NUP210: variants seen among roughly 807,000 people sequenced by gnomAD.
NUP210 encodes the protein nuclear pore membrane glycoprotein 210.
A neutral mutation model predicts 196.0 loss-of-function variants in NUP210; 151 were observed. The observed-to-expected ratio is 0.77, with a 90% confidence interval of 0.67 to 0.88. The LOEUF (loss-of-function observed/expected upper bound fraction) is 0.88. NUP210 is among the 40% of genes least tolerant of loss of function. NUP210 has a pLI of 0.00. For synonymous variants in NUP210, 1,070 were observed against 1,052.7 expected (o/e 1.02, Z -0.32); for missense variants, 2,314 against 2,493.7 (o/e 0.93, Z 1.53).
chr3:13,389,806 G>C (rs1370310995), intron 4 of NUP210, among the ~76,000 whole-genome samples: 1 of 152,208 alleles, frequency 6.6e-6, no homozygotes, highest in Non-Finnish European at 1.5e-5. Flanking sequence ...ATTATATAGG[G>C]GTGAGAAAGC....
chr3:13,407,633 C>T (rs556841812), intron 1 of NUP210, among the ~76,000 whole-genome samples: 2 of 152,300 alleles, frequency 1.3e-5, no homozygotes, highest in South Asian at 2.1e-4. Context: ...GTCCCTCCAC[C>T]TCACATGACC....
At position 13,391,315 on chromosome 3, in the gene NUP210, A is replaced by G. The variant is rs777342506; in HGVS notation, c.437-8T>C. On this transcript the variant is annotated splice_region_variant and splice_polypyrimidine_tract_variant and intron_variant, in intron 3 of 39. Transcript: ENST00000254508. ...GAGTGCTGAAGGTGTTCCCTATAAG[A>G]GCAGATGGGAGAGGCAGACAGATAT... The G allele has an allele frequency of 6.3e-7, 1 of 1,582,368 alleles. No homozygotes were observed. The highest frequency in any genetic ancestry group is 1.4e-5 in the African/African-American group (1 of 74,052).
chr3:13,342,246 A>G (rs1297310162), intron 21 of NUP210, 123 bp from the exon 22 acceptor site: 4 of 1,246,320 alleles, frequency 3.2e-6, no homozygotes, highest in Non-Finnish European at 3.4e-6. Context: ...GAATCAGGAG[A>G]GTCACCCAGG....
chr3:13,388,746 C>T (rs1699370260), intron 4 of NUP210, among the ~76,000 whole-genome samples: 1 of 152,256 alleles, frequency 6.6e-6, no homozygotes, highest in South Asian at 2.1e-4. Context: ...TAAATACTAA[C>T]ATGCGAGACC....
At chr3:13,329,232 T>C (rs1162665766) in intron 30 of NUP210, among the ~76,000 whole-genome samples, 1 of 152,190 alleles carries the variant, frequency 6.6e-6, no homozygotes, top group Non-Finnish European at 1.5e-5. Flanking sequence ...ACTATTTACA[T>C]TGCAAGAGGG....
rs1698902887 is a variant in NUP210, at chr3:13,376,294, G to A, written c.1290C>T (p.Asp430=). The change falls in exon 10 of 40, where the codon GAC becomes GAT. Residue 430 remains aspartate, a synonymous_variant. Coordinates refer to ENST00000254508, the MANE Select transcript of NUP210 (RefSeq NM_024923.4). ...AIDAALTSVV[D]QDGGVHILQV... ...CGCAGGGGAGACACCAACTTGCCTG[G>A]TCCACCACAGAGGTGAGGGCCGCGT... is the stretch of plus-strand genomic sequence containing the variant. The A allele has an allele frequency of 6.2e-7, 1 of 1,613,320 alleles. No homozygotes were observed. The highest frequency in any genetic ancestry group is 8.5e-7 in the Non-Finnish European group (1 of 1,180,008).
At chr3:13,321,979 G>GAGGA in intron 35 of NUP210, 144 bp from the exon 36 acceptor site, 1 of 1,282,178 alleles carries the variant, frequency 7.8e-7, no homozygotes, top group Non-Finnish European at 1.1e-6. Flanking sequence ...AGTCCTCCTG[G>GAGGA]GAATCCCCTA....
chr3:13,319,936 T>C lies in NUP210; in HGVS notation c.5210A>G (p.Lys1737Arg). The C allele has an allele frequency of 1.2e-6, 2 of 1,614,156 alleles. No homozygotes were observed. Among genetic ancestry groups the C allele is most frequent in the Non-Finnish European group, 1.7e-6 (2 of 1,180,028 alleles). The change falls in exon 37 of 40, where the codon AAG becomes AGG. Residue 1737 changes from lysine (K) to arginine (R), a missense_variant. Physicochemically the swap from Lys to Arg is conservative, Grantham distance 26. Transcript: ENST00000254508. ...GATGAAGCTGGGCCACCCAAAAGACTTCTCCTTTGCGAATGCCAGCACGGC... is the reference window on the plus strand; with the variant it reads ...GATGAAGCTGGGCCACCCAAAAGACCTCTCCTTTGCGAATGCCAGCACGGC... Reference protein sequence around the residue: ...SPAVLAFAKEKSFGWPSFITY... With the variant: ...SPAVLAFAKERSFGWPSFITY...
Position 13,353,970 on chromosome 3 carries a change from C to T in NUP210, c.2466G>A (p.Glu822=), listed in dbSNP as rs1373238086. ...TRPVLASIEP[E]LPMQLVSQDD... The stretch of plus-strand genomic sequence containing the variant: ...CCTGGGACACCAGCTGCATGGGCAG[C>T]TCAGGCTCGATGCTGGCCAACACTG... The change falls in exon 17 of 40, where the codon GAG becomes GAA. Residue 822 remains glutamate, a synonymous_variant. Coordinates refer to ENST00000254508, the MANE Select transcript of NUP210 (RefSeq NM_024923.4). The T allele has an allele frequency of 6.2e-7, 1 of 1,610,306 alleles. No homozygotes were observed. The highest frequency in any genetic ancestry group is 1.7e-5 in the Admixed American group (1 of 59,698).
intron 20 of NUP210, among the ~76,000 whole-genome samples, chr3:13,345,807 C>T (rs1697701152): frequency 1.3e-5 from 2 of 152,170 alleles, no homozygotes; most frequent in Non-Finnish European, 2.9e-5. Context: ...GGCTGATTGA[C>T]CCCAGGTTAT....
chr3:13,321,701 C>T lies in NUP210; in HGVS notation c.5050G>A (p.Glu1684Lys), dbSNP rs766775533. ...AAGAGACCTGGGCTGAAGGGCACCT[C>T]GGCCCCCACCTGCTCTGTGGAGAAG... ...SHFSTEQVGA[E>K]VPFSPGLFAD... The change falls in exon 36 of 40, where the codon GAG (glutamate) becomes AAG (lysine). Residue 1684 changes from glutamate (E) to lysine (K), a missense_variant. Glu to Lys is a moderately conservative substitution (Grantham distance 56). Transcript: ENST00000254508. 7.4e-6 allele frequency: 12 copies of T among 1,614,014 alleles called. No individual in the cohort carries two copies. Among genetic ancestry groups the T allele is most frequent in the South Asian group, 6.6e-5 (6 of 91,084 alleles).
intron 20 of NUP210, among the ~76,000 whole-genome samples, chr3:13,343,958 G>T (rs932625027): frequency 1.3e-5 from 2 of 152,244 alleles, no homozygotes; most frequent in African/African-American, 2.4e-5. Context: ...GTGTGAAGCA[G>T]TGACTGCCAA....
chr3:13,406,431 G>A (rs963020515), intron 1 of NUP210, among the ~76,000 whole-genome samples: 1 of 152,112 alleles, frequency 6.6e-6, no homozygotes, highest in African/African-American at 2.4e-5. Context: ...ACCAGTACAG[G>A]CTCTGGGCCA....
intron 13 of NUP210, 42 bp downstream of exon 13, chr3:13,371,792 C>G: frequency 6.5e-7 from 1 of 1,545,898 alleles, no homozygotes; most frequent in Non-Finnish European, 8.8e-7. Flanking sequence ...CAATCTGGCC[C>G]CAATCCCAGT....
chr3:13,328,772 T>A lies in NUP210; in HGVS notation c.4285A>T (p.Arg1429Ter). Reference sequence around the variant, plus strand: ...AAATGACCCTTGCCCACATCCTACCTGTTAGTGGCAAAGTTGAGGACCGAA... The same window carrying A: ...AAATGACCCTTGCCCACATCCTACCAGTTAGTGGCAAAGTTGAGGACCGAA... ...HSSVLNFATNRDDFVQIGKGP... is the reference protein window; with the variant it reads ...HSSVLNFATN Residue 1429 changes from arginine (R) to a stop codon, truncating the protein, a stop_gained and splice_region_variant, in exon 31 of 40, where the codon AGA becomes TGA. Coordinates refer to ENST00000254508, the MANE Select transcript of NUP210 (RefSeq NM_024923.4). LOFTEE classifies it high-confidence loss of function. 1.2e-5 allele frequency: 20 copies of A among 1,613,948 alleles called. No individual in the cohort carries two copies. The highest frequency in any genetic ancestry group is 1.7e-5 in the Non-Finnish European group (20 of 1,179,842).
At chr3:13,391,664 C>G (rs1232852648) in intron 3 of NUP210, among the ~76,000 whole-genome samples, 2 of 144,548 alleles carry the variant, frequency 1.4e-5, no homozygotes, top group Non-Finnish European at 1.5e-5. Flanking sequence ...GGAGTCTGCT[C>G]GGAAACCTGG....
At chr3:13,352,593 C>A (rs1286449226) in intron 18 of NUP210, among the ~76,000 whole-genome samples, 1 of 152,208 alleles carries the variant, frequency 6.6e-6, no homozygotes, top group Non-Finnish European at 1.5e-5. Context: ...CAGGAGAGGA[C>A]AATGACAGCC....
At chr3:13,361,647 C>T (rs1698375503) in intron 14 of NUP210, among the ~76,000 whole-genome samples, 1 of 152,194 alleles carries the variant, frequency 6.6e-6, no homozygotes, top group Non-Finnish European at 1.5e-5. Context: ...ACTGCCAAGT[C>T]CTCACTTGTC....
At chr3:13,411,897 C>G (rs542185093) in intron 1 of NUP210, among the ~76,000 whole-genome samples, 3 of 152,016 alleles carry the variant, frequency 2.0e-5, no homozygotes, top group African/African-American at 7.3e-5. Context: ...CCCAGCACCA[C>G]GCCCAGCTAT....
Sources: allele counts gnomAD v4.1 joint callset (sites outside exome capture counted in the v4.1 genomes callset), GRCh38; gene constraint gnomAD v4.1.1; transcripts MANE v1.5; gene names NCBI Gene and HGNC (gene_info 2026-07-23, HGNC 2026-07-21).